The following OSBPL3 variants were observed in gnomAD, a reference collection of about 807,000 sequenced individuals.
OSBPL3 encodes the protein oxysterol binding protein like 3.
Under a neutral mutation model 120.1 loss-of-function variants are expected in OSBPL3, and 65 were observed. That is an observed-to-expected ratio of 0.54 (90% CI 0.44 to 0.67). The LOEUF (loss-of-function observed/expected upper bound fraction) is 0.67. Among genes scored for constraint, OSBPL3 ranks in the 30% least tolerant of loss-of-function variants. The pLI, the probability that OSBPL3 is intolerant of heterozygous loss-of-function variation, is 0.00. For synonymous variants in OSBPL3, 416 were observed against 402.6 expected (o/e 1.03, Z -0.40); for missense variants, 1,004 against 1,082.1 (o/e 0.93, Z 1.01).
rs539441653 is a variant in OSBPL3 at position 24,854,134 on chromosome 7, G to A, written c.1028-1500C>T. 1.3e-5 allele frequency among the ~76,000 whole-genome samples: 2 copies of A among 152,082 alleles called. No homozygotes were observed. The highest frequency in any genetic ancestry group is 6.5e-5 in the Admixed American group (1 of 15,282). Reference sequence around the variant, plus strand: ...CATCATGTACAAATTACTTCCTAGGGATGAGGAAGCTGTTATCTAAATTAC... The same window carrying A: ...CATCATGTACAAATTACTTCCTAGGAATGAGGAAGCTGTTATCTAAATTAC... On this transcript the variant is annotated intron_variant, in intron 10 of 22. Transcript: ENST00000313367. This position sits in a 1 kb window ranked among gnomAD's most constrained non-coding sequence, Gnocchi z 4.1.
Position 24,862,043 on chromosome 7 carries a change from C to T in OSBPL3, c.871-274G>A, listed in dbSNP as rs1005869346. ...CTGGGACTACAGGCGCCCGCCACCA[C>T]GCCCGGCTAATTTTTTGTATTTTTA... On this transcript the variant is annotated intron_variant, in intron 9 of 22. Transcript: ENST00000313367. The surrounding 1 kb of genome is among the most constrained non-coding windows in gnomAD (Gnocchi z 4.4). 3.4e-4 allele frequency among the ~76,000 whole-genome samples: 51 copies of T among 152,128 alleles called. No individual in the cohort carries two copies. The highest frequency in any genetic ancestry group is 1.1e-3 in the African/African-American group (46 of 41,496).
Position 24,830,441 on chromosome 7 carries a change from G to A in OSBPL3, c.1884+327C>T, listed in dbSNP as rs534267546. 5.9e-5 allele frequency among the ~76,000 whole-genome samples: 9 copies of A among 152,308 alleles called. No homozygotes were observed. The highest frequency in any genetic ancestry group is 2.2e-4 in the African/African-American group (9 of 41,570). On this transcript the variant is annotated intron_variant, in intron 16 of 22. Transcript: ENST00000313367. This position sits in a 1 kb window ranked among gnomAD's most constrained non-coding sequence, Gnocchi z 4.4. The stretch of plus-strand genomic sequence containing the variant: ...CTGGAATAATGATGTCAGTGTGTTA[G>A]GGAGCAATGTTAAACCTCTAAATTG...
rs78332142 is a variant in OSBPL3, at chr7:24,845,520, T to C, written c.1267-3107A>G. 5.9e-3 allele frequency among the ~76,000 whole-genome samples: 889 copies of C among 151,746 alleles called. 10 individuals carry two copies. The highest frequency in any genetic ancestry group is 0.02 in the African/African-American group (843 of 41,430). On this transcript the variant is annotated intron_variant, in intron 12 of 22. Coordinates refer to ENST00000313367, the MANE Select transcript of OSBPL3 (RefSeq NM_015550.4). ...TTACTTGTTAAAGTTTTAAGTTACTTGATATTATTTGTTTATTGGTTACAT... is the reference window on the plus strand; with the variant it reads ...TTACTTGTTAAAGTTTTAAGTTACTCGATATTATTTGTTTATTGGTTACAT...
intron 20 of OSBPL3, among the ~76,000 whole-genome samples, chr7:24,807,396 G>C (rs757922826): frequency 2.0e-5 from 3 of 152,144 alleles, no homozygotes; most frequent in Non-Finnish European, 4.4e-5. Flanking sequence ...GGGAGGCTGA[G>C]GCAGGAGAGT....
At position 24,849,194 on chromosome 7, in the gene OSBPL3, A is replaced by C. The variant is rs1446719536; in HGVS notation, c.1159-18T>G. The C allele has an allele frequency of 6.3e-7, 1 of 1,578,718 alleles. No homozygotes were observed. The highest frequency in any genetic ancestry group is 8.7e-7 in the Non-Finnish European group (1 of 1,148,518). On this transcript the variant is annotated intron_variant, in intron 11 of 22. Coordinates refer to ENST00000313367, the MANE Select transcript of OSBPL3 (RefSeq NM_015550.4). This position sits in a 1 kb window ranked among gnomAD's most constrained non-coding sequence, Gnocchi z 5.4. ...GCTAGGGCCTGGAACATGTTAAAAT[A>C]GTGGGGCTCTGTTAATAAATGGATG...
chr7:24,865,521 A>G (rs1584430633), intron 6 of OSBPL3, 56 bp from the exon 7 acceptor site: 2 of 1,571,226 alleles, frequency 1.3e-6, no homozygotes, highest in East Asian at 4.5e-5. Flanking sequence ...CATTGGGGAC[A>G]TGTTAAGACA....
In OSBPL3 at chr7:24,872,827, C is replaced by A. The variant is rs1453896753; in HGVS notation, c.97-758G>T. Among the ~76,000 whole-genome samples the A allele has an allele frequency of 6.6e-6, 1 of 152,012 alleles. No homozygotes were observed. Among genetic ancestry groups the A allele is most frequent in the Non-Finnish European group, 1.5e-5 (1 of 68,004 alleles). ...AAGAATTTTAAAAGAAATAGAAGAA[C>A]ACTAAAAGTTCTGAAAATTTACTTT... is the stretch of plus-strand genomic sequence containing the variant. On this transcript the variant is annotated intron_variant, in intron 2 of 22. Coordinates refer to ENST00000313367, the MANE Select transcript of OSBPL3 (RefSeq NM_015550.4). The surrounding 1 kb of genome is among the most constrained non-coding windows in gnomAD (Gnocchi z 4.1).
At chr7:24,841,678 G>A (rs1228398589) in intron 13 of OSBPL3, among the ~76,000 whole-genome samples, 3 of 88,292 alleles carry the variant, frequency 3.4e-5, no homozygotes, top group Admixed American at 1.8e-4. Flanking sequence ...CTGGCCAACA[G>A]AATGAGACTA....
chr7:24,809,511 G>A (rs761037714), intron 20 of OSBPL3, among the ~76,000 whole-genome samples: 2 of 152,302 alleles, frequency 1.3e-5, no homozygotes, highest in Admixed American at 1.3e-4. Context: ...ATAGTACCCA[G>A]TAGAGTTATG....
chr7:24,896,070 G>C lies in OSBPL3; in HGVS notation c.-149-3449C>G, dbSNP rs1378578433. 6.6e-6 allele frequency among the ~76,000 whole-genome samples: 1 copy of C among 152,154 alleles called. No homozygotes were observed. The highest frequency in any genetic ancestry group is 1.5e-5 in the Non-Finnish European group (1 of 68,028). On this transcript the variant is annotated intron_variant, in intron 1 of 22. Coordinates refer to ENST00000313367, the MANE Select transcript of OSBPL3 (RefSeq NM_015550.4). The surrounding 1 kb of genome is among the most constrained non-coding windows in gnomAD (Gnocchi z 4.4). Reference sequence around the variant, plus strand: ...CTTGTCAACATGCCTTAAGGATGGAGAGCTAGGACTTGCCCCAGCTTACAG... The same window carrying C: ...CTTGTCAACATGCCTTAAGGATGGACAGCTAGGACTTGCCCCAGCTTACAG...
chr7:24,903,581 G>T (rs1176806817), intron 1 of OSBPL3, among the ~76,000 whole-genome samples: 1 of 152,156 alleles, frequency 6.6e-6, no homozygotes, highest in African/African-American at 2.4e-5. Flanking sequence ...GTTCACAAGG[G>T]TATCACCAAA....
Position 24,855,144 on chromosome 7 carries a change from G to C in OSBPL3, c.1028-2510C>G, listed in dbSNP as rs905337575. ...GGAGAGCAGCAAGCCACACAGTTACGGACTGCATCCTATGTCCTATTAGAT... is the reference window on the plus strand; with the variant it reads ...GGAGAGCAGCAAGCCACACAGTTACCGACTGCATCCTATGTCCTATTAGAT... On this transcript the variant is annotated intron_variant, in intron 10 of 22. Transcript: ENST00000313367. The surrounding 1 kb of genome is among the most constrained non-coding windows in gnomAD (Gnocchi z 4.3). Among the ~76,000 whole-genome samples, 1 of 152,166 alleles carries C rather than the reference G, an allele frequency of 6.6e-6. No individual in the cohort carries two copies. The highest frequency in any genetic ancestry group is 1.5e-5 in the Non-Finnish European group (1 of 68,042).
intron 1 of OSBPL3, among the ~76,000 whole-genome samples, chr7:24,901,559 T>C (rs1807043885): frequency 6.6e-6 from 1 of 152,236 alleles, no homozygotes; most frequent in Non-Finnish European, 1.5e-5. Flanking sequence ...AACTATGTAC[T>C]GTCCAGACTT....
intron 1 of OSBPL3, among the ~76,000 whole-genome samples, chr7:24,961,981 A>G (rs1815795717): frequency 6.6e-6 from 1 of 152,136 alleles, no homozygotes; most frequent in Non-Finnish European, 1.5e-5. Context: ...CCAACTCCCC[A>G]TTTTGGTACC....
In OSBPL3 at chr7:24,797,890, C is replaced by G. The variant is rs557461201; in HGVS notation, c.*2293G>C. 10 of 152,164 alleles carry G rather than the reference C, an allele frequency of 6.6e-5. No individual in the cohort carries two copies. Among genetic ancestry groups the G allele is most frequent in the African/African-American group, 2.4e-4 (10 of 41,504 alleles). The allele number at this position is 152,164 out of a possible 1,614,324, so 9.4% of individuals were successfully genotyped here. Reference sequence around the variant, plus strand: ...CTTCCTCTTAAAACTATAAAATGTCCTAGAGACATACATTTGGGGGAAAGA... The same window carrying G: ...CTTCCTCTTAAAACTATAAAATGTCGTAGAGACATACATTTGGGGGAAAGA... On this transcript the variant is annotated 3_prime_UTR_variant, in exon 23 of 23. Transcript: ENST00000313367. The surrounding 1 kb of genome is among the most constrained non-coding windows in gnomAD (Gnocchi z 4.8).
chr7:24,832,078 A>C lies in OSBPL3; in HGVS notation c.1747-1173T>G, dbSNP rs191853501. 4.4e-3 allele frequency among the ~76,000 whole-genome samples: 676 copies of C among 152,028 alleles called. 5 individuals carry two copies. Among genetic ancestry groups the C allele is most frequent in the Non-Finnish European group, 7.7e-3 (521 of 67,984 alleles). ...AAGACATAGCTGGGTGTGGTGGCAC[A>C]TGCTTGTGGTCCCAGCTGCTTGGGA... On this transcript the variant is annotated intron_variant, in intron 15 of 22. Transcript: ENST00000313367.
rs1247154315 is a variant in OSBPL3, at chr7:24,940,714, A to G, written c.-150+39172T>C. Among the ~76,000 whole-genome samples the G allele has an allele frequency of 1.3e-5, 2 of 152,184 alleles. No homozygotes were observed. The highest frequency in any genetic ancestry group is 4.8e-5 in the African/African-American group (2 of 41,450). On this transcript the variant is annotated intron_variant, in intron 1 of 22. Transcript: ENST00000313367. This position sits in a 1 kb window ranked among gnomAD's most constrained non-coding sequence, Gnocchi z 4.4. ...GGTAAGTCCTCAATATAAGCACAGC[A>G]GAGGATAACAACAGGCCAGGAACTC... is the stretch of plus-strand genomic sequence containing the variant.
intron 1 of OSBPL3, among the ~76,000 whole-genome samples, chr7:24,961,380 TCTGCTGAGGTC>T (rs1234834357): frequency 1.3e-5 from 2 of 152,090 alleles, no homozygotes; most frequent in African/African-American, 2.4e-5. Flanking sequence ...AGAAGAAGCA[TCTGCTGAGGTC>T]CTGCTATGGT....
chr7:24,974,520 C>T (rs2128546233), intron 1 of OSBPL3, among the ~76,000 whole-genome samples: 1 of 152,282 alleles, frequency 6.6e-6, no homozygotes, highest in South Asian at 2.1e-4. Flanking sequence ...CAAGATAAAA[C>T]AGCGAACAGG....
Sources: allele counts gnomAD v4.1 joint callset (sites outside exome capture counted in the v4.1 genomes callset), GRCh38; gene constraint gnomAD v4.1.1; non-coding constraint Gnocchi (gnomAD v3.1); transcripts MANE v1.5; gene names NCBI Gene and HGNC (gene_info 2026-07-23, HGNC 2026-07-21).